The following CD69 variants were observed in gnomAD, a reference collection of about 807,000 sequenced individuals.
CD69 encodes CD69 molecule, also known as early activation antigen CD69.
Under a neutral mutation model 21.4 loss-of-function variants are expected in CD69, and 10 were observed. The ratio of observed to expected loss-of-function variants is 0.47; its 90% CI spans 0.29 to 0.79. The LOEUF (loss-of-function observed/expected upper bound fraction) is 0.79, where lower values mean the gene tolerates loss of function less well. Ranked by LOEUF, CD69 falls within the 30% of genes least tolerant of loss-of-function variation. The pLI is 0.09. For missense variants in CD69, 204 were observed against 236.9 expected, an observed-to-expected ratio of 0.86 and a Z score of 0.91; for synonymous variants, 63 against 78.2, an observed-to-expected ratio of 0.81 and a Z score of 1.03.
rs767609028 is a variant in CD69 at position 9,756,329 on chromosome 12, G to T, written c.155C>A (p.Thr52Asn). Residue 52 changes from threonine (T) to asparagine (N), a missense_variant, in exon 2 of 5, where the codon ACC (threonine) becomes AAC (asparagine). By Grantham distance (65) the Thr-to-Asn change is moderately conservative. Coordinates refer to ENST00000228434, the MANE Select transcript of CD69 (RefSeq NM_001781.2). Reference sequence around the variant, plus strand: ...GGCAATGAGAGCTATGATTAAAATGGTGATGAAGACCACATTCATTACAGC... The same window carrying T: ...GGCAATGAGAGCTATGATTAAAATGTTGATGAAGACCACATTCATTACAGC... The part of the protein sequence containing the change: ...LCAVMNVVFI[T>N]ILIIALIALS... 5.0e-6 allele frequency: 8 copies of T among 1,613,590 alleles called. No individual in the cohort carries two copies. In the South Asian group the frequency reaches 7.7e-5, roughly 16 times the overall value.
At chr12:9,756,165 C>T in intron 2 of CD69, 132 bp downstream of exon 2, 1 of 622,490 alleles carries the variant, frequency 1.6e-6, no homozygotes, top group Non-Finnish European at 2.6e-6. Context: ...GGAAATTGGC[C>T]ATATATGGTA....
chr12:9,756,750 G>A lies in CD69; in HGVS notation c.65-331C>T, dbSNP rs184585996. Among the ~76,000 whole-genome samples the A allele has an allele frequency of 6.6e-5, 10 of 152,158 alleles. No individual in the cohort carries two copies. In the East Asian group the frequency reaches 7.7e-4, roughly 12 times the overall value. ...AGTTTGTTTTAATGATGATAAGAAC[G>A]TTTATTAAATATGCACATGCCCCAG... is the stretch of plus-strand genomic sequence containing the variant. On this transcript the variant is annotated intron_variant, in intron 1 of 4. Transcript: ENST00000228434.
intron 1 of CD69, among the ~76,000 whole-genome samples, chr12:9,759,032 C>G (rs956621772): frequency 1.3e-5 from 2 of 152,142 alleles, no homozygotes; most frequent in Non-Finnish European, 2.9e-5. Flanking sequence ...CGGGTTCACG[C>G]CATTCTCCTG....
In CD69 at chr12:9,754,789, G is replaced by C. The variant is rs113516949; in HGVS notation, c.388-99C>G. 37 of 833,690 alleles carry C rather than the reference G, an allele frequency of 4.4e-5. 1 individual carries two copies. Among genetic ancestry groups the C allele is most frequent in the African/African-American group, 3.4e-4 (20 of 59,634 alleles). The allele number at this position is 833,690 out of a possible 1,614,324, so 51.6% of individuals were successfully genotyped here. ...AAAAGCTGCAACTTGAGGCATGACA[G>C]CTTATCTGACCATGTACTCATTCTA... On this transcript the variant is annotated intron_variant, in intron 3 of 4. Coordinates refer to ENST00000228434, the MANE Select transcript of CD69 (RefSeq NM_001781.2).
chr12:9,759,193 T>G (rs1019802449), intron 1 of CD69, among the ~76,000 whole-genome samples: 26 of 152,202 alleles, frequency 1.7e-4, no homozygotes, highest in Non-Finnish European at 3.5e-4. Flanking sequence ...CCTCCCAAAG[T>G]GCTGGGATTA....
intron 1 of CD69, among the ~76,000 whole-genome samples, chr12:9,758,013 G>C (rs1017308932): frequency 2.6e-5 from 4 of 151,070 alleles, no homozygotes; most frequent in African/African-American, 9.7e-5. Flanking sequence ...AATATTCAGC[G>C]AAAGTTATTT....
chr12:9,757,444 A>G (rs1157682381), intron 1 of CD69, among the ~76,000 whole-genome samples: 1 of 152,230 alleles, frequency 6.6e-6, no homozygotes, highest in Non-Finnish European at 1.5e-5. Context: ...TGTTCTCAAA[A>G]TGCCTTGTGC....
chr12:9,754,535 AT>A, intron 4 of CD69, 51 bp downstream of exon 4: 1 of 1,020,700 alleles, frequency 9.8e-7, no homozygotes, highest in South Asian at 1.3e-5. Context: ...AAGGAAAGTG[AT>A]TTTCCTGAGA....
intron 1 of CD69, among the ~76,000 whole-genome samples, chr12:9,758,277 A>G (rs568852529): frequency 4.6e-5 from 7 of 152,156 alleles, no homozygotes; most frequent in Non-Finnish European, 8.8e-5. Flanking sequence ...CGGCCCCACA[A>G]GGAGTATACA....
At chr12:9,754,941 A>G in intron 3 of CD69, 121 bp downstream of exon 3, 2 of 844,228 alleles carry the variant, frequency 2.4e-6, no homozygotes, top group Non-Finnish European at 3.7e-6. Context: ...ACATTTTCCT[A>G]CATCTGAAAT....
At chr12:9,753,648 A>G (rs1866649144) in intron 4 of CD69, 59 bp from the exon 5 acceptor site, 1 of 767,250 alleles carries the variant, frequency 1.3e-6, no homozygotes, top group South Asian at 1.8e-5. Context: ...ATTCAGTTAC[A>G]TGAGAATGAA....
At chr12:9,758,062 C>CT (rs58176994) in intron 1 of CD69, among the ~76,000 whole-genome samples, 23,175 of 149,238 alleles carry the variant, frequency 0.16, 1,869 homozygotes, top group African/African-American at 0.2. Flanking sequence ...AAGTAAAAGC[C>CT]TTTTTTTTTC....
At chr12:9,756,624 T>C (rs1435290707) in intron 1 of CD69, among the ~76,000 whole-genome samples, 1 of 152,158 alleles carries the variant, frequency 6.6e-6, no homozygotes, top group Non-Finnish European at 1.5e-5. Context: ...AATGAAACAA[T>C]TCAAGCATAA....
At chr12:9,760,649 A>G (rs1866725511) in intron 1 of CD69, 108 bp downstream of exon 1, 14 of 784,998 alleles carry the variant, frequency 1.8e-5, no homozygotes, top group Non-Finnish European at 2.7e-5. Flanking sequence ...ATATTTCTCT[A>G]AGATTATATA....
chr12:9,755,951 T>C (rs1177605958), intron 2 of CD69: 2 of 156,012 alleles, frequency 1.3e-5, no homozygotes, highest in African/African-American at 4.8e-5. Flanking sequence ...TTTTCCATAA[T>C]CAATGAATGT....
At chr12:9,755,289 G>A (rs1020143248) in intron 2 of CD69, 28 bp from the exon 3 acceptor site, 48 of 1,591,184 alleles carry the variant, frequency 3.0e-5, no homozygotes, top group Non-Finnish European at 3.7e-5. Context: ...CTTTGTTTTA[G>A]TAACAAAAGA....
chr12:9,756,176 C>A, intron 2 of CD69, 121 bp downstream of exon 2: 1 of 802,300 alleles, frequency 1.2e-6, no homozygotes, highest in East Asian at 2.7e-5. Flanking sequence ...ATATATGGTA[C>A]ATGGGATGAT....
At position 9,752,662 on chromosome 12, in the gene CD69, A is replaced by C. The variant is rs936732463; in HGVS notation, c.*819T>G. ...ACAAACCTATTATAAGACTAGTATTATTCTAGGTCTGAAGATTACAGAATA... is the reference window on the plus strand; with the variant it reads ...ACAAACCTATTATAAGACTAGTATTCTTCTAGGTCTGAAGATTACAGAATA... On this transcript the variant is annotated 3_prime_UTR_variant, in exon 5 of 5. Coordinates refer to ENST00000228434, the MANE Select transcript of CD69 (RefSeq NM_001781.2). 6.6e-6 allele frequency: 1 copy of C among 152,640 alleles called. No homozygotes were observed. Among genetic ancestry groups the C allele is most frequent in the Admixed American group, 6.5e-5 (1 of 15,272 alleles). 9.5% of individuals were successfully genotyped at this position (152,640 alleles called of 1,614,324 possible). A position where few individuals can be genotyped will look rare whatever the true frequency, so the allele number is the denominator to read the frequency against.
intron 1 of CD69, among the ~76,000 whole-genome samples, chr12:9,760,524 A>G (rs1866724048): frequency 6.6e-6 from 1 of 152,198 alleles, no homozygotes; most frequent in South Asian, 2.1e-4. Context: ...CTATCTTCTT[A>G]TAGATAAAAA....
Sources: gnomAD v4.1 joint callset for allele counts (sites outside exome capture counted in the v4.1 genomes callset) on GRCh38, gnomAD v4.1.1 for gene constraint, MANE v1.5 for transcripts, NCBI Gene and HGNC (gene_info 2026-07-23, HGNC 2026-07-21) for gene names.